The following GREB1 variants were observed in gnomAD, a reference collection of about 807,000 sequenced individuals.
GREB1 encodes growth regulating estrogen receptor binding 1.
In GREB1, 106 loss-of-function variants were observed where a neutral mutation model predicts 200.7. That is an observed-to-expected ratio of 0.53 (90% CI 0.45 to 0.62). The LOEUF is 0.62. Among genes scored for constraint, GREB1 ranks in the 20% least tolerant of loss-of-function variants. The pLI, the probability that GREB1 is intolerant of heterozygous loss-of-function variation, is 0.00. For synonymous variants in GREB1, 1,132 were observed against 1,092.4 expected (o/e 1.04, Z -0.72); for missense variants, 2,243 against 2,556.8 (o/e 0.88, Z 2.65).
At chr2:11,609,454 A>G (rs1473699562) in intron 17 of GREB1, among the ~76,000 whole-genome samples, 1 of 151,972 alleles carries the variant, frequency 6.6e-6, no homozygotes, top group African/African-American at 2.4e-5. Flanking sequence ...TTTTTAGTAG[A>G]GGCAGGGTTT....
rs1675461800 is a variant in GREB1, at chr2:11,548,139, T to C, written c.-161-8315T>C. 6.6e-6 allele frequency among the ~76,000 whole-genome samples: 1 copy of C among 151,492 alleles called. No homozygotes were observed. The highest frequency in any genetic ancestry group is 1.5e-5 in the Non-Finnish European group (1 of 67,918). The stretch of plus-strand genomic sequence containing the variant: ...CTACAGTGAGCTGTGACTGCACCAC[T>C]GCACTACAGCTGGGCAACAGAGCAA... On this transcript the variant is annotated intron_variant, in intron 1 of 32. Coordinates refer to ENST00000381486, the MANE Select transcript of GREB1 (RefSeq NM_014668.4). The surrounding 1 kb of genome is among the most constrained non-coding windows in gnomAD (Gnocchi z 5.1).
In GREB1 at chr2:11,538,690, CT is replaced by C. The variant is rs1674441044; in HGVS notation, c.-162+4438del. Among the ~76,000 whole-genome samples, 3 of 72,030 alleles carry C rather than the reference CT, an allele frequency of 4.2e-5. No homozygotes were observed. The South Asian group carries it at 2.5e-3, about 61-fold the overall frequency. The allele number at this position is 72,030 out of a possible 152,430, so 47.3% of individuals were successfully genotyped here. On this transcript the variant is annotated intron_variant, in intron 1 of 32. Coordinates refer to ENST00000381486, the MANE Select transcript of GREB1 (RefSeq NM_014668.4). The stretch of plus-strand genomic sequence containing the variant: ...CTTTCTTTCTTTCTTTCTTTCTTTC[CT>C]TCCTCCCTCCCTCCCTCCCTTCCTC...
chr2:11,556,692 G>A lies in GREB1; in HGVS notation c.78G>A (p.Leu26=). ...TGCACAATTCCATCGAGGCATCCCT[G>A]CGGTCCAACAACCTGGTGCCCAGGC... ...EVLHNSIEAS[L]RSNNLVPRPI... The change falls in exon 2 of 33, where the codon CTG becomes CTA. Residue 26 remains leucine (L), a synonymous_variant. Transcript: ENST00000381486. 6.2e-7 allele frequency: 1 copy of A among 1,613,970 alleles called. No individual in the cohort carries two copies. Among genetic ancestry groups the A allele is most frequent in the Non-Finnish European group, 8.5e-7 (1 of 1,179,844 alleles).
chr2:11,587,729 ACACACACACACACGC>A, intron 9 of GREB1: 1 of 1,201,958 alleles, frequency 8.3e-7, no homozygotes, highest in Non-Finnish European at 1.0e-6. Flanking sequence ...ACACACACAC[ACACACACACACACGC>A]CACCTTTGGG....
At chr2:11,516,990 C>A (rs1020643282) in intron 1 of GREB1, among the ~76,000 whole-genome samples, 9 of 152,214 alleles carry the variant, frequency 5.9e-5, no homozygotes, top group Admixed American at 3.3e-4. Flanking sequence ...AGGATCCAGT[C>A]CAAGCTCCTT....
chr2:11,639,311 A>C (rs1199897744), intron 32 of GREB1, among the ~76,000 whole-genome samples: 2 of 151,970 alleles, frequency 1.3e-5, no homozygotes, highest in African/African-American at 2.4e-5. Flanking sequence ...CTGGTCTCGA[A>C]CTCCCGACCT....
intron 19 of GREB1, 69 bp from the exon 20 acceptor site, chr2:11,615,022 T>A: frequency 8.3e-7 from 1 of 1,205,710 alleles, no homozygotes; most frequent in Non-Finnish European, 1.2e-6. Flanking sequence ...CAGTGCTGCC[T>A]GCCGCAGTGG....
At chr2:11,499,171 G>C (rs1459383667) in intron 1 of GREB1, among the ~76,000 whole-genome samples, 1 of 152,210 alleles carries the variant, frequency 6.6e-6, no homozygotes, top group East Asian at 1.9e-4. Context: ...GGGTCATGAA[G>C]ACACAAAGCT....
intron 23 of GREB1, among the ~76,000 whole-genome samples, chr2:11,622,661 G>A (rs1684103369): frequency 6.6e-6 from 1 of 152,220 alleles, no homozygotes; most frequent in South Asian, 2.1e-4. Context: ...CACTCTGAGA[G>A]GCTTTCTATA....
intron 2 of GREB1, among the ~76,000 whole-genome samples, chr2:11,559,228 G>A (rs1676739192): frequency 6.6e-6 from 1 of 152,172 alleles, no homozygotes; most frequent in Admixed American, 6.5e-5. Flanking sequence ...CAATCCAGTT[G>A]GTTTTGTCTA....
chr2:11,632,416 G>A (rs1038719903), intron 27 of GREB1, among the ~76,000 whole-genome samples: 9 of 137,498 alleles, frequency 6.5e-5, no homozygotes, highest in Non-Finnish European at 1.1e-4. Context: ...TCGACTCACT[G>A]CAGCCTTTGT....
At position 11,588,885 on chromosome 2, in the gene GREB1, C is replaced by G; in HGVS notation, c.1299C>G (p.Ser433=). ...GCGCCTCTGCCATCCAGCCCATCTC[C>G]GAGGAGATGCAGCTCCTGCTTACCG... ...QYGASAIQPI[S]EEMQLLLTVY... The change falls in exon 10 of 33, where the codon TCC becomes TCG. Residue 433 remains serine (S), a synonymous_variant. Coordinates refer to ENST00000381486, the MANE Select transcript of GREB1 (RefSeq NM_014668.4). 1 of 1,614,190 alleles carries G rather than the reference C, an allele frequency of 6.2e-7. No homozygotes were observed. Among genetic ancestry groups the G allele is most frequent in the Non-Finnish European group, 8.5e-7 (1 of 1,180,014 alleles).
chr2:11,547,810 T>C (rs961841706), intron 1 of GREB1, among the ~76,000 whole-genome samples: 1 of 152,220 alleles, frequency 6.6e-6, no homozygotes, highest in Non-Finnish European at 1.5e-5. Context: ...ATTTATTGTT[T>C]GTGTCTAGGC....
chr2:11,551,742 C>T (rs1041745336), intron 1 of GREB1, among the ~76,000 whole-genome samples: 16 of 152,182 alleles, frequency 1.1e-4, no homozygotes, highest in East Asian at 1.9e-4. Context: ...CTCCCACCGC[C>T]GCAGCCCGGG....
intron 7 of GREB1, among the ~76,000 whole-genome samples, chr2:11,583,050 A>C (rs1417861895): frequency 6.6e-6 from 1 of 152,214 alleles, no homozygotes; most frequent in East Asian, 1.9e-4. Flanking sequence ...AAAAATGCCA[A>C]ATAGTACCTC....
chr2:11,537,768 A>G (rs1009386938), intron 1 of GREB1, among the ~76,000 whole-genome samples: 3 of 148,148 alleles, frequency 2.0e-5, no homozygotes, highest in African/African-American at 7.4e-5. Context: ...ATTTATAAAT[A>G]AAATATACTA....
intron 7 of GREB1, among the ~76,000 whole-genome samples, chr2:11,583,754 G>T (rs574887289): frequency 1.3e-5 from 2 of 152,250 alleles, no homozygotes; most frequent in African/African-American, 4.8e-5. Context: ...AGCTACTCGG[G>T]AGACTGAGGC....
intron 9 of GREB1, chr2:11,587,558 GTGT>G: frequency 1.3e-6 from 2 of 1,526,584 alleles, no homozygotes; most frequent in Non-Finnish European, 8.9e-7. Context: ...TTGAGAAGCA[GTGT>G]CTTTGAGAAC....
intron 1 of GREB1, among the ~76,000 whole-genome samples, chr2:11,534,985 A>T (rs1674223198): frequency 6.6e-6 from 1 of 152,176 alleles, no homozygotes; most frequent in African/African-American, 2.4e-5. Context: ...TCTGAATGCC[A>T]GACTGTGCGT....
Sources: allele counts gnomAD v4.1 joint callset (sites outside exome capture counted in the v4.1 genomes callset), GRCh38; gene constraint gnomAD v4.1.1; non-coding constraint Gnocchi (gnomAD v3.1); transcripts MANE v1.5; gene names NCBI Gene and HGNC (gene_info 2026-07-23, HGNC 2026-07-21).